PARD3: variants seen among roughly 807,000 people sequenced by gnomAD.
The protein encoded by PARD3 is partitioning defective 3 homolog.
Under a neutral mutation model 155.4 loss-of-function variants are expected in PARD3, and 75 were observed. That is an observed-to-expected ratio of 0.48 (90% CI 0.40 to 0.58). The LOEUF (loss-of-function observed/expected upper bound fraction) is 0.58, where lower values mean the gene tolerates loss of function less well. Among genes scored for constraint, PARD3 ranks in the 20% least tolerant of loss-of-function variants. The probability of loss-of-function intolerance (pLI) is 0.00; values close to 1 mark genes in which losing one functional copy is unlikely to be tolerated. For missense variants in PARD3, 1,642 were observed against 1,721.7 expected (o/e 0.95, Z 0.82); for synonymous variants, 576 against 610.5 (o/e 0.94, Z 0.83).
chr10:34,301,746 C>T (rs1337213511), intron 20 of PARD3, among the ~76,000 whole-genome samples: 6 of 151,790 alleles, frequency 4.0e-5, no homozygotes, highest in African/African-American at 9.7e-5. Flanking sequence ...ATTTACTAGC[C>T]GGTGTGTGAC....
chr10:34,535,317 G>A (rs118094087), intron 2 of PARD3, among the ~76,000 whole-genome samples: 45 of 152,260 alleles, frequency 3.0e-4, no homozygotes, highest in East Asian at 2.9e-3. Context: ...ATCAGAGAAC[G>A]CTGTCTTGGT....
At chr10:34,281,020 A>G (rs1956131504) in intron 21 of PARD3, among the ~76,000 whole-genome samples, 1 of 152,182 alleles carries the variant, frequency 6.6e-6, no homozygotes, top group African/African-American at 2.4e-5. Flanking sequence ...ACTACCATTT[A>G]AAAATACATG....
At chr10:34,589,846 T>C (rs1484598850) in intron 2 of PARD3, among the ~76,000 whole-genome samples, 2 of 152,128 alleles carry the variant, frequency 1.3e-5, no homozygotes, top group East Asian at 1.9e-4. Flanking sequence ...TGATTCCATG[T>C]ACAGAAGTCA....
chr10:34,423,616 G>A (rs1456406106), intron 5 of PARD3, among the ~76,000 whole-genome samples: 2 of 151,790 alleles, frequency 1.3e-5, no homozygotes, highest in African/African-American at 4.8e-5. Context: ...ATTTGAAAAG[G>A]AATAATTCTT....
chr10:34,138,633 G>C (rs559712944), intron 22 of PARD3, among the ~76,000 whole-genome samples: 1 of 152,256 alleles, frequency 6.6e-6, no homozygotes, highest in African/African-American at 2.4e-5. Flanking sequence ...GATTTACTTA[G>C]TTTGCCAAGA....
intron 5 of PARD3, among the ~76,000 whole-genome samples, chr10:34,420,560 CT>C (rs1846089316): frequency 6.6e-6 from 1 of 152,170 alleles, no homozygotes; most frequent in Non-Finnish European, 1.5e-5. Context: ...TTTAAGTTTA[CT>C]GAATGTGCAG....
intron 19 of PARD3, among the ~76,000 whole-genome samples, chr10:34,321,966 C>A (rs1958407714): frequency 6.6e-6 from 1 of 152,112 alleles, no homozygotes; most frequent in Admixed American, 6.6e-5. Flanking sequence ...CTATTTCCCC[C>A]CCCCATTGAG....
chr10:34,491,796 A>G (rs1019525335), intron 3 of PARD3, among the ~76,000 whole-genome samples: 3 of 152,206 alleles, frequency 2.0e-5, no homozygotes, highest in African/African-American at 7.2e-5. Flanking sequence ...TTACAACTCT[A>G]AAGCCAAGAA....
At chr10:34,363,138 T>G (rs1011674261) in intron 12 of PARD3, among the ~76,000 whole-genome samples, 2 of 152,242 alleles carry the variant, frequency 1.3e-5, no homozygotes, top group African/African-American at 4.8e-5. Flanking sequence ...GCCTTTTCAG[T>G]GTTTACTGAG....
chr10:34,591,677 A>C (rs1204344504), intron 2 of PARD3, among the ~76,000 whole-genome samples: 6 of 152,196 alleles, frequency 3.9e-5, no homozygotes, highest in African/African-American at 7.2e-5. Context: ...CCAGTGGGGA[A>C]ACAGAATGCA....
intron 20 of PARD3, among the ~76,000 whole-genome samples, chr10:34,284,736 G>A (rs561760910): frequency 2.6e-5 from 4 of 152,222 alleles, no homozygotes; most frequent in African/African-American, 9.6e-5. Context: ...AACTGACAAA[G>A]GCCATGTTTG....
intron 20 of PARD3, among the ~76,000 whole-genome samples, chr10:34,291,653 C>T (rs974291870): frequency 6.6e-6 from 1 of 152,178 alleles, no homozygotes; most frequent in African/African-American, 2.4e-5. Context: ...ACCCAAGACA[C>T]TTTTTACCAC....
intron 1 of PARD3, among the ~76,000 whole-genome samples, chr10:34,805,929 A>G (rs111629131): frequency 0.031 from 4,778 of 152,076 alleles, 252 homozygotes; most frequent in African/African-American, 0.11. Flanking sequence ...GTGAGCCGAA[A>G]TCACGTCACT....
chr10:34,339,719 A>T (rs1301082258), intron 16 of PARD3, among the ~76,000 whole-genome samples: 1 of 152,210 alleles, frequency 6.6e-6, no homozygotes, highest in Admixed American at 6.5e-5. Flanking sequence ...AGTGAACTAC[A>T]TGTACAATTT....
chr10:34,577,873 CAG>C (rs1199205172), intron 2 of PARD3, among the ~76,000 whole-genome samples: 2 of 148,664 alleles, frequency 1.3e-5, no homozygotes, highest in East Asian at 3.9e-4. Flanking sequence ...TTTAAACAGA[CAG>C]GGGTCTCACT....
At chr10:34,486,564 A>G (rs963909059) in intron 3 of PARD3, among the ~76,000 whole-genome samples, 1 of 152,228 alleles carries the variant, frequency 6.6e-6, no homozygotes, top group East Asian at 1.9e-4. Context: ...ACCAGATGTG[A>G]TTGGAAACAA....
At chr10:34,131,620 G>A (rs757241157) in intron 22 of PARD3, 37 bp from the exon 23 acceptor site, 2 of 1,600,644 alleles carry the variant, frequency 1.2e-6, no homozygotes, top group African/African-American at 1.3e-5. Context: ...ATACCCTTCA[G>A]AAATATTATC....
At chr10:34,586,460 T>TA (rs1387252311) in intron 2 of PARD3, among the ~76,000 whole-genome samples, 4 of 152,112 alleles carry the variant, frequency 2.6e-5, no homozygotes, top group Non-Finnish European at 5.9e-5. Flanking sequence ...GGTCTAAAGA[T>TA]GTATGACTGA....
rs572759518 is a variant in PARD3 at position 34,613,760 on chromosome 10, G to A, written c.222+82558C>T. 3.9e-5 allele frequency among the ~76,000 whole-genome samples: 6 copies of A among 152,256 alleles called. No individual in the cohort carries two copies. The South Asian group carries it at 6.2e-4, about 16-fold the overall frequency. ...CATAGTTTTCTCGTCCACATTCTCC[G>A]GAGATCAGCTTCCAAGATTCTCAGT... On this transcript the variant is annotated intron_variant, in intron 2 of 24. Transcript: ENST00000374788.
Sources: allele counts gnomAD v4.1 joint callset (sites outside exome capture counted in the v4.1 genomes callset), GRCh38; gene constraint gnomAD v4.1.1; transcripts MANE v1.5; gene names NCBI Gene and HGNC (gene_info 2026-07-23, HGNC 2026-07-21).